MACROD2: variants seen among roughly 807,000 people sequenced by gnomAD.
The protein encoded by MACROD2 is mono-ADP ribosylhydrolase 2.
MACROD2 carries 36 observed loss-of-function variants against 70.4 expected under a neutral mutation model. The observed-to-expected ratio is 0.51, with a 90% CI of 0.39 to 0.68. The LOEUF is 0.68. MACROD2 is among the 30% of genes least tolerant of loss of function. The pLI, the probability that MACROD2 is intolerant of heterozygous loss-of-function variation, is 0.00. For synonymous variants in MACROD2, 172 were observed against 178.8 expected, an observed-to-expected ratio of 0.96 and a Z score of 0.30; for missense variants, 496 against 538.4, an observed-to-expected ratio of 0.92 and a Z score of 0.78.
At chr20:15,499,471 T>A (rs528189324) in intron 7 of MACROD2, among the ~76,000 whole-genome samples, 1 of 152,312 alleles carries the variant, frequency 6.6e-6, no homozygotes, top group Admixed American at 6.5e-5. Context: ...TATGAAAGTA[T>A]ATTGTAATCT....
rs575306364 is a variant in MACROD2 at position 14,804,230 on chromosome 20, T to C, written c.418+119271T>C. On this transcript the variant is annotated intron_variant, in intron 5 of 17. Transcript: ENST00000684519. Reference sequence around the variant, plus strand: ...ATTTTTTTTTCTAGGAATAGGTCGTTATTTGGCTGTTTTTATTTTTCTGTT... The same window carrying C: ...ATTTTTTTTTCTAGGAATAGGTCGTCATTTGGCTGTTTTTATTTTTCTGTT... Among the ~76,000 whole-genome samples the C allele has an allele frequency of 9.1e-4, 138 of 152,232 alleles. 1 individual carries two copies. Among genetic ancestry groups the C allele is most frequent in the African/African-American group, 3.1e-3 (129 of 41,510 alleles).
At chr20:15,409,173 A>G (rs900188426) in intron 6 of MACROD2, among the ~76,000 whole-genome samples, 8 of 152,158 alleles carry the variant, frequency 5.3e-5, no homozygotes, top group African/African-American at 1.7e-4. Context: ...TATAACCACT[A>G]CTTGAGACCA....
intron 4 of MACROD2, chr20:14,566,719 G>A (rs1164946509): frequency 6.6e-6 from 1 of 151,908 alleles, no homozygotes; most frequent in Non-Finnish European, 1.5e-5. Flanking sequence ...TGGCCTGCCA[G>A]CAATTACTCA....
Position 15,463,540 on chromosome 20 carries a change from G to A in MACROD2, c.571+32105G>A, listed in dbSNP as rs138547646. ...CAAGGTGGGTGGATCACTTGAGGTC[G>A]GGAGTTCAAGACCAGCCTGGCCAAC... On this transcript the variant is annotated intron_variant, in intron 7 of 17. Transcript: ENST00000684519. 6.6e-4 allele frequency among the ~76,000 whole-genome samples: 101 copies of A among 152,110 alleles called. 1 individual carries two copies. In the East Asian group the frequency reaches 0.015, roughly 23 times the overall value.
intron 3 of MACROD2, among the ~76,000 whole-genome samples, chr20:14,111,426 A>G (rs2054449971): frequency 6.6e-6 from 1 of 152,098 alleles, no homozygotes; most frequent in Non-Finnish European, 1.5e-5. Flanking sequence ...GAGACAGCCC[A>G]CAGAATGGGT....
intron 3 of MACROD2, among the ~76,000 whole-genome samples, chr20:14,156,417 TATCTTCATTTCCTCC>T (rs1569183110): frequency 6.6e-6 from 1 of 152,234 alleles, no homozygotes; most frequent in South Asian, 2.1e-4. Flanking sequence ...CATAACCCAC[TATCTTCATTTCCTCC>T]AGGCTAGTAG....
intron 5 of MACROD2, among the ~76,000 whole-genome samples, chr20:14,983,956 G>A (rs13043061): frequency 0.13 from 20,170 of 152,110 alleles, 1,669 homozygotes; most frequent in Middle Eastern, 0.19. Context: ...TACCTTTGAC[G>A]TGCAGAAGCC....
intron 8 of MACROD2, among the ~76,000 whole-genome samples, chr20:15,699,307 G>A (rs906733317): frequency 8.5e-5 from 13 of 152,176 alleles, no homozygotes; most frequent in Non-Finnish European, 1.8e-4. Flanking sequence ...TCCTGTGGAT[G>A]TGGCTTCCTG....
At chr20:14,235,692 T>G (rs1046277912) in intron 3 of MACROD2, among the ~76,000 whole-genome samples, 3 of 151,270 alleles carry the variant, frequency 2.0e-5, no homozygotes, top group Non-Finnish European at 4.4e-5. Flanking sequence ...CTGTGTAGAT[T>G]ACACTTTTTT....
intron 5 of MACROD2, among the ~76,000 whole-genome samples, chr20:14,733,664 T>G (rs1316989133): frequency 6.6e-6 from 1 of 152,210 alleles, no homozygotes; most frequent in Non-Finnish European, 1.5e-5. Flanking sequence ...CATTTTACAT[T>G]TGTTTCTCTG....
chr20:15,181,167 A>G (rs1256697067), intron 5 of MACROD2, among the ~76,000 whole-genome samples: 2 of 152,200 alleles, frequency 1.3e-5, no homozygotes, highest in Admixed American at 1.3e-4. Context: ...CAGGTTTCAC[A>G]TCCTACACAG....
chr20:14,575,331 A>G (rs1980523039), intron 4 of MACROD2, among the ~76,000 whole-genome samples: 1 of 152,192 alleles, frequency 6.6e-6, no homozygotes, highest in South Asian at 2.1e-4. Flanking sequence ...GTCTGGCTTA[A>G]TAAAAGACAG....
chr20:14,711,214 T>C (rs2071334726), intron 5 of MACROD2, among the ~76,000 whole-genome samples: 1 of 152,240 alleles, frequency 6.6e-6, no homozygotes, highest in Admixed American at 6.5e-5. Flanking sequence ...TAGCCATCTT[T>C]GATTTATTGG....
intron 4 of MACROD2, among the ~76,000 whole-genome samples, chr20:14,672,764 A>G (rs2070809894): frequency 6.6e-6 from 1 of 152,096 alleles, no homozygotes; most frequent in Admixed American, 6.6e-5. Flanking sequence ...AGATCTGTGG[A>G]CTCCAAATGT....
At chr20:15,493,639 A>AAAGTT (rs2146479355) in intron 7 of MACROD2, among the ~76,000 whole-genome samples, 1 of 152,358 alleles carries the variant, frequency 6.6e-6, no homozygotes, top group South Asian at 2.1e-4. Context: ...GCCTTTGGAC[A>AAAGTT]AAGTTAAAGA....
At chr20:15,225,595 G>A (rs1340981757) in intron 5 of MACROD2, among the ~76,000 whole-genome samples, 1 of 152,096 alleles carries the variant, frequency 6.6e-6, no homozygotes, top group East Asian at 1.9e-4. Context: ...ATCGGTAGAG[G>A]AATTTTTTTT....
intron 3 of MACROD2, among the ~76,000 whole-genome samples, chr20:14,206,012 C>T (rs1159143284): frequency 1.3e-5 from 2 of 152,138 alleles, no homozygotes; most frequent in Non-Finnish European, 2.9e-5. Context: ...GTTTAGTAAA[C>T]CACCCAAAAA....
At chr20:15,590,362 A>G (rs459540) in intron 8 of MACROD2, among the ~76,000 whole-genome samples, 115,444 of 152,160 alleles carry the variant, frequency 0.76, 44,328 homozygotes, top group African/African-American at 0.87. Flanking sequence ...TCTTTCTTAC[A>G]GTTGCACAGC....
chr20:14,136,416 C>T (rs1038013015), intron 3 of MACROD2, among the ~76,000 whole-genome samples: 2 of 152,186 alleles, frequency 1.3e-5, no homozygotes, highest in Non-Finnish European at 2.9e-5. Flanking sequence ...GAATCACGTT[C>T]TTGCTACATA....
Sources: gnomAD v4.1 joint callset for allele counts (sites outside exome capture counted in the v4.1 genomes callset) on GRCh38, gnomAD v4.1.1 for gene constraint, MANE v1.5 for transcripts, NCBI Gene and HGNC (gene_info 2026-07-23, HGNC 2026-07-21) for gene names.